DOK5: variants seen among roughly 807,000 people sequenced by gnomAD.
DOK5 encodes the protein downstream of tyrosine kinase 5.
DOK5 carries 27 observed loss-of-function variants against 43.3 expected under a neutral mutation model. The ratio of observed to expected loss-of-function variants is 0.62; its 90% CI spans 0.46 to 0.86. DOK5 has a LOEUF of 0.86. Ranked by LOEUF, DOK5 falls within the 40% of genes least tolerant of loss-of-function variation. The pLI is 0.00. For synonymous variants in DOK5, 146 were observed against 140.1 expected (o/e 1.04, Z -0.30); for missense variants, 373 against 392.9 (o/e 0.95, Z 0.43).
intron 7 of DOK5, among the ~76,000 whole-genome samples, chr20:54,644,715 A>AAAAAC (rs1555839814): frequency 2.6e-5 from 2 of 77,240 alleles, no homozygotes; most frequent in Admixed American, 1.0e-4. Context: ...CAAAAAAAAA[A>AAAAAC]AAAAAAAAAC....
intron 1 of DOK5, among the ~76,000 whole-genome samples, chr20:54,506,650 C>T (rs368910941): frequency 2.0e-5 from 3 of 152,124 alleles, no homozygotes; most frequent in African/African-American, 7.2e-5. Context: ...CTTGTAGAGG[C>T]GGAGTCTCTC....
At chr20:54,579,648 C>A (rs543471578) in intron 2 of DOK5, among the ~76,000 whole-genome samples, 4 of 152,098 alleles carry the variant, frequency 2.6e-5, no homozygotes, top group Non-Finnish European at 5.9e-5. Flanking sequence ...AAGTGGTAAC[C>A]ATGCAGTATT....
rs894404040 is a variant in DOK5 at position 54,557,745 on chromosome 20, C to A, written c.174+2705C>A. The stretch of plus-strand genomic sequence containing the variant: ...GCTCGCTCCCTTACTTTGTTCAGTG[C>A]GTTGCTCAAATTGCTCCTCTAAGAG... On this transcript the variant is annotated intron_variant, in intron 2 of 7. Coordinates refer to ENST00000262593, the MANE Select transcript of DOK5 (RefSeq NM_018431.5). 5.9e-5 allele frequency among the ~76,000 whole-genome samples: 9 copies of A among 152,130 alleles called. No homozygotes were observed. The East Asian group carries it at 1.7e-3, about 29-fold the overall frequency.
chr20:54,489,584 T>C (rs935433849), intron 1 of DOK5, among the ~76,000 whole-genome samples: 3 of 152,192 alleles, frequency 2.0e-5, no homozygotes, highest in Admixed American at 2.0e-4. Context: ...TATTCTTCTT[T>C]CCTTCCTTCC....
Position 54,475,985 on chromosome 20 carries a change from C to T in DOK5, c.39C>T (p.Tyr13=). ...SNFNDIVKQG[Y]VRIRSRRLGI... The stretch of plus-strand genomic sequence containing the variant: ...TTAATGACATAGTGAAGCAAGGGTA[C>T]GTGAGGATCCGGAGCAGACGCCTCG... Residue 13 remains tyrosine, a synonymous_variant, in exon 1 of 8, where the codon TAC becomes TAT. Transcript: ENST00000262593. This position sits in a 1 kb window ranked among gnomAD's most constrained non-coding sequence, Gnocchi z 4.2. The T allele has an allele frequency of 6.2e-7, 1 of 1,613,464 alleles. No individual in the cohort carries two copies. Among genetic ancestry groups the T allele is most frequent in the Non-Finnish European group, 8.5e-7 (1 of 1,179,942 alleles).
chr20:54,486,556 TACAC>T (rs747194935), intron 1 of DOK5, among the ~76,000 whole-genome samples: 4 of 150,998 alleles, frequency 2.6e-5, no homozygotes, highest in African/African-American at 9.9e-5. Context: ...TTTCTCATTT[TACAC>T]ACACACACAT....
chr20:54,584,160 A>G (rs1052997508), intron 2 of DOK5, among the ~76,000 whole-genome samples: 4 of 151,692 alleles, frequency 2.6e-5, no homozygotes, highest in Non-Finnish European at 4.4e-5. Context: ...AATAATAAAT[A>G]AATAATAAAA....
At chr20:54,531,971 A>G (rs1160553871) in intron 1 of DOK5, among the ~76,000 whole-genome samples, 1 of 152,118 alleles carries the variant, frequency 6.6e-6, no homozygotes, top group Non-Finnish European at 1.5e-5. Flanking sequence ...AGTGTGGATG[A>G]GAGGGGCCTC....
At chr20:54,605,579 T>C (rs976492053) in intron 5 of DOK5, among the ~76,000 whole-genome samples, 5 of 152,250 alleles carry the variant, frequency 3.3e-5, no homozygotes, top group Admixed American at 3.3e-4. Context: ...AGGCTGTTTT[T>C]CCTGCCTTCT....
intron 7 of DOK5, among the ~76,000 whole-genome samples, chr20:54,646,248 GTTTTTT>G (rs386394048): frequency 1.0e-4 from 8 of 79,922 alleles, no homozygotes; most frequent in African/African-American, 4.2e-4. Flanking sequence ...TGGTTATACT[GTTTTTT>G]TTTTTTTTTT....
At chr20:54,547,048 C>A (rs1334875861) in intron 1 of DOK5, among the ~76,000 whole-genome samples, 2 of 152,162 alleles carry the variant, frequency 1.3e-5, no homozygotes. Flanking sequence ...TCTATGAGAT[C>A]TGAGCTTAAA....
At chr20:54,551,017 T>C (rs377172730) in intron 1 of DOK5, among the ~76,000 whole-genome samples, 4 of 152,204 alleles carry the variant, frequency 2.6e-5, no homozygotes, top group Non-Finnish European at 4.4e-5. Context: ...TCCCACCAAC[T>C]ATGTATGAGT....
At chr20:54,569,540 G>A (rs944467701) in intron 2 of DOK5, among the ~76,000 whole-genome samples, 1 of 152,188 alleles carries the variant, frequency 6.6e-6, no homozygotes, top group African/African-American at 2.4e-5. Flanking sequence ...AATGTTTGTG[G>A]ACGAAACAGT....
At chr20:54,629,543 C>T (rs1381436248) in intron 6 of DOK5, among the ~76,000 whole-genome samples, 2 of 152,138 alleles carry the variant, frequency 1.3e-5, no homozygotes, top group Non-Finnish European at 2.9e-5. Context: ...AGATATAAAA[C>T]ATATTTATGA....
intron 6 of DOK5, among the ~76,000 whole-genome samples, chr20:54,616,770 C>CTTTTTTTTTT (rs768379251): frequency 2.5e-5 from 3 of 120,682 alleles, no homozygotes; most frequent in Admixed American, 8.9e-5. Context: ...GATCCACTTT[C>CTTTTTTTTTT]TTTTTTTTTT....
intron 5 of DOK5, 60 bp downstream of exon 5, chr20:54,591,865 A>G (rs189463210): frequency 1.1e-5 from 16 of 1,477,832 alleles, no homozygotes; most frequent in African/African-American, 2.8e-5. Context: ...GTTCATTTTT[A>G]CCATGCTCGC....
intron 6 of DOK5, among the ~76,000 whole-genome samples, chr20:54,628,781 T>C (rs914233804): frequency 4.6e-5 from 7 of 152,166 alleles, no homozygotes; most frequent in African/African-American, 1.7e-4. Flanking sequence ...CACCAAACCA[T>C]ACAAGATGCA....
intron 6 of DOK5, among the ~76,000 whole-genome samples, chr20:54,616,114 A>G (rs73913633): frequency 0.011 from 1,728 of 152,264 alleles, 26 homozygotes; most frequent in African/African-American, 0.04. Context: ...CAAAACAAGA[A>G]TGTGTTATAT....
intron 1 of DOK5, among the ~76,000 whole-genome samples, chr20:54,523,231 T>G (rs1983472086): frequency 6.6e-6 from 1 of 152,190 alleles, no homozygotes; most frequent in Admixed American, 6.6e-5. Context: ...GGCACTTAAC[T>G]TCAAAGCTCC....
Sources: allele counts gnomAD v4.1 joint callset (sites outside exome capture counted in the v4.1 genomes callset), GRCh38; gene constraint gnomAD v4.1.1; non-coding constraint Gnocchi (gnomAD v3.1); transcripts MANE v1.5; gene names NCBI Gene and HGNC (gene_info 2026-07-23, HGNC 2026-07-21).